Variants in COL27A1 observed in about 807,000 individuals in gnomAD.
The protein encoded by COL27A1 is collagen type XXVII alpha 1 chain, also known as collagen alpha-1(XXVII) chain.
COL27A1 carries 106 observed loss-of-function variants against 251.3 expected under a neutral mutation model. That is an observed-to-expected ratio of 0.42 (90% CI 0.36 to 0.50). The LOEUF is 0.50. Ranked by LOEUF, COL27A1 falls within the 20% of genes least tolerant of loss-of-function variation. The pLI is 0.00. For missense variants in COL27A1, 2,325 were observed against 2,522.8 expected (o/e 0.92, Z 1.68); for synonymous variants, 1,000 against 986.3 (o/e 1.01, Z -0.26).
At chr9:114,271,596 A>T (rs1209636914) in intron 36 of COL27A1, 2 of 152,284 alleles carry the variant, frequency 1.3e-5, no homozygotes, top group Non-Finnish European at 2.9e-5. Context: ...ACCTTAGCTC[A>T]CCTGAATTGC....
intron 37 of COL27A1, 101 bp downstream of exon 37, chr9:114,275,869 G>A: frequency 4.2e-6 from 3 of 706,674 alleles, no homozygotes; most frequent in Non-Finnish European, 4.6e-6. Context: ...TCGTGCCACT[G>A]AAGGATCTTC....
chr9:114,266,507 C>A, intron 32 of COL27A1, 58 bp from the exon 33 acceptor site: 1 of 1,495,114 alleles, frequency 6.7e-7, no homozygotes, highest in Non-Finnish European at 9.3e-7. Context: ...CCCTCCAGAT[C>A]CCAAAGAGGG....
chr9:114,263,619 C>T (rs1834512410), intron 28 of COL27A1, among the ~76,000 whole-genome samples: 1 of 152,168 alleles, frequency 6.6e-6, no homozygotes, highest in Admixed American at 6.5e-5. Flanking sequence ...AAGTCACTTC[C>T]CTTGGCTGGG....
At chr9:114,166,245 A>G (rs1848842204) in intron 2 of COL27A1, among the ~76,000 whole-genome samples, 1 of 147,710 alleles carries the variant, frequency 6.8e-6, no homozygotes, top group South Asian at 2.2e-4. Context: ...TCATTTATCC[A>G]TCCATCCATC....
At chr9:114,265,613 G>T in intron 32 of COL27A1, 138 bp downstream of exon 32, 1 of 789,696 alleles carries the variant, frequency 1.3e-6, no homozygotes, top group Non-Finnish European at 2.0e-6. Flanking sequence ...CCTTGGGGTT[G>T]GTGGCGAGCA....
chr9:114,231,893 T>C lies in COL27A1; in HGVS notation c.2565+27T>C, dbSNP rs1253725407. 4.3e-6 allele frequency: 7 copies of C among 1,612,140 alleles called. No individual in the cohort carries two copies. In the South Asian group the frequency reaches 6.6e-5, roughly 15 times the overall value. ...TGATCTGAATACTCCCTTATTGCAC[T>C]GTGGTTTCTCTGCATGCCACCCCCC... On this transcript the variant is annotated intron_variant, in intron 16 of 60. Transcript: ENST00000356083.
chr9:114,311,030 G>GC lies in COL27A1; in HGVS notation c.*337dup. 1 of 255,192 alleles carries GC rather than the reference G, an allele frequency of 3.9e-6. No homozygotes were observed. Among genetic ancestry groups the GC allele is most frequent in the Non-Finnish European group, 7.5e-6 (1 of 132,846 alleles). 15.8% of individuals were successfully genotyped at this position (255,192 alleles called of 1,614,324 possible). A position where few individuals can be genotyped will look rare whatever the true frequency, so the allele number is the denominator to read the frequency against. ...CCTGCCCAAAGAGCCCCACATTCAA[G>GC]CCAACTTGAGGGAAGGGGGCGTCTC... On this transcript the variant is annotated 3_prime_UTR_variant, in exon 61 of 61. Transcript: ENST00000356083.
At chr9:114,232,638 G>A (rs1832048047) in intron 16 of COL27A1, among the ~76,000 whole-genome samples, 1 of 152,236 alleles carries the variant, frequency 6.6e-6, no homozygotes, top group African/African-American at 2.4e-5. Context: ...AGCCCCTCAT[G>A]TGGTCAGGTG....
chr9:114,303,191 C>G (rs373855075), intron 56 of COL27A1, among the ~76,000 whole-genome samples: 2 of 151,704 alleles, frequency 1.3e-5, no homozygotes, highest in East Asian at 3.9e-4. Flanking sequence ...TGAGTGCTTG[C>G]TCAATGCCAG....
intron 36 of COL27A1, among the ~76,000 whole-genome samples, chr9:114,274,933 A>G (rs1835390601): frequency 6.6e-6 from 1 of 151,914 alleles, no homozygotes; most frequent in Non-Finnish European, 1.5e-5. Context: ...TTCTTGATGA[A>G]AATTTCTTTC....
chr9:114,224,097 T>TTCACAC (rs1831301646), intron 14 of COL27A1, among the ~76,000 whole-genome samples: 1 of 151,856 alleles, frequency 6.6e-6, no homozygotes, highest in Admixed American at 6.6e-5. Context: ...CTGATGTCCA[T>TTCACAC]TCAGTAGGAC....
At chr9:114,216,398 A>G (rs991307534) in intron 12 of COL27A1, among the ~76,000 whole-genome samples, 7 of 152,104 alleles carry the variant, frequency 4.6e-5, no homozygotes, top group Admixed American at 4.6e-4. Context: ...ACATGCAGGC[A>G]TGGCCAGAGA....
intron 14 of COL27A1, among the ~76,000 whole-genome samples, chr9:114,229,367 G>A (rs1443156594): frequency 2.0e-5 from 3 of 152,152 alleles, no homozygotes; most frequent in Non-Finnish European, 4.4e-5. Flanking sequence ...CTCTCTCCTC[G>A]GGGGCATTCC....
At chr9:114,281,801 G>A (rs78055535) in intron 37 of COL27A1, among the ~76,000 whole-genome samples, 12,055 of 152,244 alleles carry the variant, frequency 0.079, 612 homozygotes, top group Non-Finnish European at 0.1. Context: ...CTGGGCAAAA[G>A]TCACTGTATC....
At chr9:114,255,223 C>T (rs945903726) in intron 27 of COL27A1, among the ~76,000 whole-genome samples, 8 of 152,126 alleles carry the variant, frequency 5.3e-5, no homozygotes, top group African/African-American at 1.9e-4. Flanking sequence ...AGCAGGGGGT[C>T]AGAGGACCAG....
At position 114,240,488 on chromosome 9, in the gene COL27A1, G is replaced by A; in HGVS notation, c.2835+1G>A. 6.2e-7 allele frequency: 1 copy of A among 1,609,426 alleles called. No individual in the cohort carries two copies. The highest frequency in any genetic ancestry group is 2.2e-5 in the East Asian group (1 of 44,882). On this transcript the variant is annotated splice_donor_variant, in intron 21 of 60. Coordinates refer to ENST00000356083, the MANE Select transcript of COL27A1 (RefSeq NM_032888.4). LOFTEE classifies it high-confidence loss of function. ...ACCCCGTGGGCAGCTGGGGCCCGAGGTGAGACTGTCTGGCCCCCTCCACTG... is the reference window on the plus strand; with the variant it reads ...ACCCCGTGGGCAGCTGGGGCCCGAGATGAGACTGTCTGGCCCCCTCCACTG...
Position 114,292,131 on chromosome 9 carries a change from G to T in COL27A1, c.4505G>T (p.Gly1502Val). Residue 1502 changes from glycine (G) to valine (V), a missense_variant, in exon 49 of 61, where the codon GGT (glycine) becomes GTT (valine). Around this residue, in one of 4 missense-constraint regions of COL27A1, gnomAD observed 153 missense variants for 140.7 expected, o/e 1.09. Transcript: ENST00000356083. ...GAGAGTGGGTTACCCGGACAGCTGG[G>T]TCCCCCTGGCAAGCGAGGAACAGAG... is the stretch of plus-strand genomic sequence containing the variant. Reference protein sequence around the residue: ...KGESGLPGQLGPPGKRGTEGR... With the variant: ...KGESGLPGQLVPPGKRGTEGR... 1 of 1,559,980 alleles carries T rather than the reference G, an allele frequency of 6.4e-7. No individual in the cohort carries two copies. Among genetic ancestry groups the T allele is most frequent in the Non-Finnish European group, 8.7e-7 (1 of 1,151,754 alleles).
chr9:114,244,060 G>A (rs1832950455), intron 23 of COL27A1, among the ~76,000 whole-genome samples: 1 of 151,788 alleles, frequency 6.6e-6, no homozygotes, highest in African/African-American at 2.4e-5. Context: ...CGAGTAGCTG[G>A]GACTACAGGT....
chr9:114,234,513 A>G (rs936951558), intron 16 of COL27A1, among the ~76,000 whole-genome samples: 6 of 152,116 alleles, frequency 3.9e-5, no homozygotes, highest in African/African-American at 1.4e-4. Flanking sequence ...AGGGCTGGAT[A>G]GAGTGAGGCC....
Sources: gnomAD v4.1 joint callset for allele counts (sites outside exome capture counted in the v4.1 genomes callset) on GRCh38, gnomAD v4.1.1 for gene constraint, gnomAD v4.1.1 regional missense constraint, MANE v1.5 for transcripts, NCBI Gene and HGNC (gene_info 2026-07-23, HGNC 2026-07-21) for gene names.